The following PGBD2 variants were observed in gnomAD, a reference collection of about 807,000 sequenced individuals.
PGBD2 encodes the protein piggyBac transposable element derived 2, also known as piggyBac transposable element-derived protein 2.
PGBD2 carries 6 observed loss-of-function variants against 8.1 expected under a neutral mutation model. The observed-to-expected ratio is 0.74, with a 90% CI of 0.40 to 1.46. PGBD2 has a LOEUF of 1.46. Ranked by LOEUF, PGBD2 falls within the 40% of genes most tolerant of loss-of-function variation. The probability of loss-of-function intolerance (pLI) is 0.02; values close to 1 mark genes in which losing one functional copy is unlikely to be tolerated. For synonymous variants in PGBD2, 318 were observed against 272.2 expected (o/e 1.17, Z -1.66); for missense variants, 802 against 739.0 (o/e 1.09, Z -0.99).
At chr1:248,916,545 C>A in intron 2 of PGBD2, 57 bp from the exon 3 acceptor site, 1 of 1,495,656 alleles carries the variant, frequency 6.7e-7, no homozygotes, top group African/African-American at 1.4e-5. Flanking sequence ...CTCTTTTCTG[C>A]TGAAGCATTG....
At chr1:248,913,077 C>T (rs1482163953) in intron 1 of PGBD2, among the ~76,000 whole-genome samples, 1 of 152,142 alleles carries the variant, frequency 6.6e-6, no homozygotes. Context: ...GCTGGGATTA[C>T]AGGTGTGAGC....
chr1:248,924,743 T>C (rs1317314500), downstream of PGBD2, among the ~76,000 whole-genome samples: 1 of 152,220 alleles, frequency 6.6e-6, no homozygotes, highest in African/African-American at 2.4e-5. Flanking sequence ...GGTTGATGCC[T>C]CCTGTGTGTG....
At chr1:248,922,066 T>G (rs921408990), downstream of PGBD2, among the ~76,000 whole-genome samples, 1 of 150,832 alleles carries the variant, frequency 6.6e-6, no homozygotes, top group Non-Finnish European at 1.5e-5. Context: ...TTTTTTCTTT[T>G]TTTTTTTTTT....
At chr1:248,903,898 A>G (rs1661576352), upstream of PGBD2, among the ~76,000 whole-genome samples, 1 of 152,224 alleles carries the variant, frequency 6.6e-6, no homozygotes, top group South Asian at 2.1e-4. Context: ...AATTGCTGCT[A>G]TGTACTAACA....
chr1:248,918,200 G>C lies in PGBD2; in HGVS notation c.1616G>C (p.Arg539Thr), dbSNP rs1454066021. Residue 539 changes from arginine (R) to threonine (T), a missense_variant, in exon 3 of 3, where the codon AGG becomes ACG. Physicochemically the swap from Arg to Thr is moderately conservative, Grantham distance 71. Transcript: ENST00000329291. ...ADTTSQGRRS[R>T]RLETESRFDM... Reference sequence around the variant, plus strand: ...ACAACATCTCAAGGGAGGCGAAGCAGGCGGTTGGAGACTGAGAGCCGCTTC... The same window carrying C: ...ACAACATCTCAAGGGAGGCGAAGCACGCGGTTGGAGACTGAGAGCCGCTTC... The C allele has an allele frequency of 1.2e-6, 2 of 1,614,092 alleles. No individual in the cohort carries two copies. The highest frequency in any genetic ancestry group is 8.5e-7 in the Non-Finnish European group (1 of 1,180,044).
rs778502900 is a variant in PGBD2, at chr1:248,917,524, G to T, written c.940G>T (p.Gly314Cys). The T allele has an allele frequency of 6.2e-7, 1 of 1,614,172 alleles. No individual in the cohort carries two copies. The highest frequency in any genetic ancestry group is 8.5e-7 in the Non-Finnish European group (1 of 1,180,026). The change falls in exon 3 of 3, where the codon GGC becomes TGC. Residue 314 changes from glycine to cysteine, a missense_variant. Coordinates refer to ENST00000329291, the MANE Select transcript of PGBD2 (RefSeq NM_170725.3). The stretch of plus-strand genomic sequence containing the variant: ...CTTGGTGTGGTTTGAGCCCTCACAG[G>T]GCACACTGTTTACCAAGCCAGACAG... The part of the protein sequence containing the change: ...GYLVWFEPSQ[G>C]TLFTKPDRSL...
the PGBD2 span, among the ~76,000 whole-genome samples, chr1:248,880,273 T>G: frequency 2.6e-5 from 4 of 152,188 alleles, no homozygotes; most frequent in African/African-American, 7.2e-5. Context: ...TTGGACCAAT[T>G]TGGATACCTG....
chr1:248,925,492 T>C, the PGBD2 span, among the ~76,000 whole-genome samples: 2 of 151,914 alleles, frequency 1.3e-5, no homozygotes, highest in African/African-American at 2.4e-5. Context: ...TTTCAGAAGA[T>C]GAAGATTCAA....
At position 248,918,400 on chromosome 1, in the gene PGBD2, G is replaced by A. The variant is rs751445766; in HGVS notation, c.*37G>A. ...ATGCTTCTTTGGTTTATAATGAGAT[G>A]TTTACAGTTAAATACAGATGGCAGT... On this transcript the variant is annotated 3_prime_UTR_variant, in exon 3 of 3. Transcript: ENST00000329291. The A allele has an allele frequency of 1.3e-6, 2 of 1,511,788 alleles. No homozygotes were observed. Among genetic ancestry groups the A allele is most frequent in the African/African-American group, 2.8e-5 (2 of 71,564 alleles). The allele number at this position is 1,511,788 out of a possible 1,614,324, so 93.6% of individuals were successfully genotyped here. A position where few individuals can be genotyped will look rare whatever the true frequency, so the allele number is the denominator to read the frequency against.
At chr1:248,908,806 C>T (rs1270350972) in intron 1 of PGBD2, among the ~76,000 whole-genome samples, 2 of 151,902 alleles carry the variant, frequency 1.3e-5, no homozygotes, top group South Asian at 2.1e-4. Context: ...CTTACTCTGG[C>T]GTCACTGCTT....
chr1:248,916,257 TA>T (rs1482421277), intron 2 of PGBD2, among the ~76,000 whole-genome samples: 3 of 151,720 alleles, frequency 2.0e-5, no homozygotes, highest in African/African-American at 7.3e-5. Flanking sequence ...ACTAAAAATA[TA>T]AAAAAATTAG....
At chr1:248,916,195 C>T (rs934012018) in intron 2 of PGBD2, among the ~76,000 whole-genome samples, 2 of 152,104 alleles carry the variant, frequency 1.3e-5, no homozygotes, top group Non-Finnish European at 2.9e-5. Context: ...AGGTGGATCA[C>T]GAGGTCAGGA....
At chr1:248,923,090 A>G (rs902521951), downstream of PGBD2, among the ~76,000 whole-genome samples, 2 of 152,032 alleles carry the variant, frequency 1.3e-5, no homozygotes, top group African/African-American at 4.8e-5. Context: ...CTGGTCCTGG[A>G]CTTTTTTTGG....
the PGBD2 span, among the ~76,000 whole-genome samples, chr1:248,899,077 A>G: frequency 6.6e-6 from 1 of 152,252 alleles, no homozygotes; most frequent in African/African-American, 2.4e-5. Flanking sequence ...ATATGCACCC[A>G]ATACTGGGGC....
downstream of PGBD2, among the ~76,000 whole-genome samples, chr1:248,921,720 T>C (rs1662290660): frequency 6.6e-6 from 1 of 152,226 alleles, no homozygotes; most frequent in Non-Finnish European, 1.5e-5. Context: ...ATAAATTACT[T>C]TGGGCAGTGT....
At chr1:248,911,910 T>C (rs1461380853) in intron 1 of PGBD2, among the ~76,000 whole-genome samples, 1 of 151,842 alleles carries the variant, frequency 6.6e-6, no homozygotes, top group African/African-American at 2.4e-5. Flanking sequence ...GGGAGAGTTA[T>C]TGGAGATGCG....
chr1:248,914,187 A>G (rs536852822), intron 2 of PGBD2, among the ~76,000 whole-genome samples: 1 of 152,320 alleles, frequency 6.6e-6, no homozygotes, highest in East Asian at 1.9e-4. Flanking sequence ...CAGTCCCCGC[A>G]GGGTTTCTCA....
chr1:248,880,732 GT>G, the PGBD2 span, among the ~76,000 whole-genome samples: 1 of 152,234 alleles, frequency 6.6e-6, no homozygotes, highest in East Asian at 1.9e-4. Context: ...CCTCCTGTTT[GT>G]TTTTGTCAGC....
chr1:248,917,965 G>T lies in PGBD2; in HGVS notation c.1381G>T (p.Gly461Cys). ...SLVKLYQEKV[G>C]GVGRMDQNIA... The stretch of plus-strand genomic sequence containing the variant: ...GGTGAAGCTGTATCAGGAGAAGGTG[G>T]GTGGCGTTGGTAGGATGGATCAGAA... The change falls in exon 3 of 3, where the codon GGT (glycine) becomes TGT (cysteine). Residue 461 changes from glycine to cysteine, a missense_variant. Gly to Cys is a radical substitution (Grantham distance 159). Transcript: ENST00000329291. 1 of 1,614,194 alleles carries T rather than the reference G, an allele frequency of 6.2e-7. No individual in the cohort carries two copies. The highest frequency in any genetic ancestry group is 8.5e-7 in the Non-Finnish European group (1 of 1,180,038).
Sources: gnomAD v4.1 joint callset for allele counts (sites outside exome capture counted in the v4.1 genomes callset) on GRCh38, gnomAD v4.1.1 for gene constraint, MANE v1.5 for transcripts, NCBI Gene and HGNC (gene_info 2026-07-23, HGNC 2026-07-21) for gene names.